The following SPNS2 variants were observed in gnomAD, a reference collection of about 807,000 sequenced individuals.
SPNS2 encodes sphingosine-1-phosphate transporter SPNS2.
A neutral mutation model predicts 57.6 loss-of-function variants in SPNS2; 37 were observed. The observed-to-expected ratio is 0.64, with a 90% CI of 0.49 to 0.85. The LOEUF is 0.85. SPNS2 is among the 40% of genes least tolerant of loss of function. The pLI is 0.00. For synonymous variants in SPNS2, 440 were observed against 346.9 expected (o/e 1.27, Z -2.98); for missense variants, 831 against 779.1 (o/e 1.07, Z -0.79).
At chr17:4,524,944 G>T in intron 2 of SPNS2, 113 bp from the exon 3 acceptor site, 1 of 1,470,646 alleles carries the variant, frequency 6.8e-7, no homozygotes. Flanking sequence ...TCTCTGGGCT[G>T]CTTCCTTGGT....
At chr17:4,534,718 C>G (rs531735764) in intron 9 of SPNS2, among the ~76,000 whole-genome samples, 2 of 152,024 alleles carry the variant, frequency 1.3e-5, no homozygotes, top group African/African-American at 4.8e-5. Context: ...CCATGGGCTG[C>G]GGTGGTGGTG....
rs143903047 is a variant in SPNS2 at position 4,510,594 on chromosome 17, C to T, written c.371-2653C>T. ...ATGATGGCTATTTTGATATGGCCTC[C>T]CTCCCAGAAATGGAACCTGCAGTTA... On this transcript the variant is annotated intron_variant, in intron 1 of 12. Coordinates refer to ENST00000329078, the MANE Select transcript of SPNS2 (RefSeq NM_001124758.3). The surrounding 1 kb of genome is among the most constrained non-coding windows in gnomAD (Gnocchi z 4.4). Among the ~76,000 whole-genome samples the T allele has an allele frequency of 4.9e-3, 751 of 152,264 alleles. 4 individuals carry two copies. Among genetic ancestry groups the T allele is most frequent in the African/African-American group, 0.017 (707 of 41,558 alleles).
chr17:4,507,397 C>T (rs962003524), intron 1 of SPNS2, among the ~76,000 whole-genome samples: 2 of 152,238 alleles, frequency 1.3e-5, no homozygotes, highest in African/African-American at 4.8e-5. Flanking sequence ...GGGGCTGTGT[C>T]CTGTCCCACT....
chr17:4,499,526 G>C lies in SPNS2; in HGVS notation c.370+109G>C. On this transcript the variant is annotated intron_variant, in intron 1 of 12. Coordinates refer to ENST00000329078, the MANE Select transcript of SPNS2 (RefSeq NM_001124758.3). The surrounding 1 kb of genome is among the most constrained non-coding windows in gnomAD (Gnocchi z 5.2). ...TTTGGTCTCAGGCCTGCTATCTCCA[G>C]GCCCTACGTGAGGTCCCTACGGACC... 1 of 666,642 alleles carries C rather than the reference G, an allele frequency of 1.5e-6. No individual in the cohort carries two copies. The highest frequency in any genetic ancestry group is 2.2e-6 in the Non-Finnish European group (1 of 449,606). 41.3% of individuals were successfully genotyped at this position (666,642 alleles called of 1,614,324 possible).
chr17:4,514,479 C>T (rs1904935085), intron 2 of SPNS2, among the ~76,000 whole-genome samples: 1 of 152,230 alleles, frequency 6.6e-6, no homozygotes, highest in African/African-American at 2.4e-5. Flanking sequence ...AGCCACTCCC[C>T]CCACCTCCCT....
At chr17:4,536,209 G>A in intron 10 of SPNS2, 35 bp downstream of exon 10, 1 of 1,608,698 alleles carries the variant, frequency 6.2e-7, no homozygotes, top group Non-Finnish European at 8.5e-7. Flanking sequence ...GCCAGGGCAG[G>A]CTGGGGGACT....
At chr17:4,519,420 A>ACCTTC (rs1905081287) in intron 2 of SPNS2, among the ~76,000 whole-genome samples, 1 of 152,022 alleles carries the variant, frequency 6.6e-6, no homozygotes, top group Non-Finnish European at 1.5e-5. Flanking sequence ...CTGCCGTGAG[A>ACCTTC]GGTGGACAGC....
rs1388470881 is a variant in SPNS2, at chr17:4,537,472, G to A, written c.*24G>A. ...CCCCAGGTGCCATTGGGACAATGAA[G>A]AACCCACACTCCCACCTCGTCTGGG... is the stretch of plus-strand genomic sequence containing the variant. On this transcript the variant is annotated 3_prime_UTR_variant, in exon 13 of 13. Transcript: ENST00000329078. 2 of 455,342 alleles carry A rather than the reference G, an allele frequency of 4.4e-6. No individual in the cohort carries two copies. Among genetic ancestry groups the A allele is most frequent in the Non-Finnish European group, 8.9e-6 (2 of 225,914 alleles). The allele number at this position is 455,342 out of a possible 1,614,324, so 28.2% of individuals were successfully genotyped here.
At chr17:4,517,884 G>GAA (rs1346587105) in intron 2 of SPNS2, among the ~76,000 whole-genome samples, 2 of 152,166 alleles carry the variant, frequency 1.3e-5, no homozygotes, top group East Asian at 3.8e-4. Context: ...TACCAGAAGT[G>GAA]AAAAATATGT....
At chr17:4,515,232 C>T (rs951233915) in intron 2 of SPNS2, among the ~76,000 whole-genome samples, 1 of 152,168 alleles carries the variant, frequency 6.6e-6, no homozygotes, top group Non-Finnish European at 1.5e-5. Flanking sequence ...TGGAGGTGGA[C>T]AAAGCACACA....
At position 4,538,063 on chromosome 17, in the gene SPNS2, A is replaced by G. The variant is rs1283111487; in HGVS notation, c.*615A>G. On this transcript the variant is annotated 3_prime_UTR_variant, in exon 13 of 13. Coordinates refer to ENST00000329078, the MANE Select transcript of SPNS2 (RefSeq NM_001124758.3). ...AGTCTCTGGGTACTCCCTGGAGGAC[A>G]CTGTCTCACTGTCTCGGGTTGGCTC... 2 of 340,628 alleles carry G rather than the reference A, an allele frequency of 5.9e-6. No individual in the cohort carries two copies. Among genetic ancestry groups the G allele is most frequent in the Non-Finnish European group, 1.2e-5 (2 of 170,894 alleles). 21.1% of individuals were successfully genotyped at this position (340,628 alleles called of 1,614,324 possible). A position where few individuals can be genotyped will look rare whatever the true frequency, so the allele number is the denominator to read the frequency against.
chr17:4,529,411 C>T (rs1009032446), intron 3 of SPNS2, among the ~76,000 whole-genome samples: 1 of 152,042 alleles, frequency 6.6e-6, no homozygotes, highest in South Asian at 2.1e-4. Context: ...ACACAGGGGG[C>T]CGGATGTGGT....
chr17:4,531,345 G>T (rs923412290), intron 5 of SPNS2, among the ~76,000 whole-genome samples: 4 of 152,210 alleles, frequency 2.6e-5, no homozygotes, highest in Non-Finnish European at 5.9e-5. Flanking sequence ...CGCCCTCGGG[G>T]CCCCCAGGCT....
intron 3 of SPNS2, among the ~76,000 whole-genome samples, chr17:4,530,408 C>A (rs2144360040): frequency 6.6e-6 from 1 of 152,308 alleles, no homozygotes; most frequent in East Asian, 1.9e-4. Context: ...CCCATACCAG[C>A]ACTGGGCCGG....
chr17:4,515,661 T>C (rs562990160), intron 2 of SPNS2, among the ~76,000 whole-genome samples: 2 of 152,358 alleles, frequency 1.3e-5, no homozygotes, highest in East Asian at 1.9e-4. Flanking sequence ...AGTCACATAA[T>C]TGGCCTGTGT....
chr17:4,536,293 G>A lies in SPNS2; in HGVS notation c.1474G>A (p.Asp492Asn). ...ISDLIRQSTK[D>N]SPLWEFLSLG... ...AGACCTGATCCGCCAGAGCACTAAG[G>A]ACTCCCCGCTCTGGGAGTTCCTGAG... Residue 492 changes from aspartate to asparagine, a missense_variant, in exon 11 of 13, where the codon GAC (aspartate) becomes AAC (asparagine). Coordinates refer to ENST00000329078, the MANE Select transcript of SPNS2 (RefSeq NM_001124758.3). The A allele has an allele frequency of 6.2e-7, 1 of 1,612,676 alleles. No homozygotes were observed. Among genetic ancestry groups the A allele is most frequent in the Non-Finnish European group, 8.5e-7 (1 of 1,179,966 alleles).
intron 1 of SPNS2, among the ~76,000 whole-genome samples, chr17:4,506,190 G>A (rs550124898): frequency 1.2e-4 from 19 of 152,268 alleles, no homozygotes; most frequent in African/African-American, 3.6e-4. Flanking sequence ...CCTTCTGCAC[G>A]TCAGCTTCCA....
At position 4,532,602 on chromosome 17, in the gene SPNS2, A is replaced by C; in HGVS notation, c.853A>C (p.Lys285Gln). The part of the protein sequence containing the change: ...TLILILVPAT[K>Q]RGHADQLGDQ... ...CATCCTCATTCTGGTCCCAGCCACT[A>C]AAAGGGGTCATGCCGACCAGCTCGG... Residue 285 changes from lysine (K) to glutamine (Q), a missense_variant, in exon 6 of 13, where the codon AAA (lysine) becomes CAA (glutamine). Transcript: ENST00000329078. The C allele has an allele frequency of 6.2e-7, 1 of 1,613,614 alleles. No homozygotes were observed. The highest frequency in any genetic ancestry group is 8.5e-7 in the Non-Finnish European group (1 of 1,179,574).
chr17:4,527,066 T>A (rs1322648451), intron 3 of SPNS2, among the ~76,000 whole-genome samples: 1 of 152,144 alleles, frequency 6.6e-6, no homozygotes, highest in African/African-American at 2.4e-5. Flanking sequence ...TCCGGGTCCA[T>A]CTCTGGGTGT....
Sources: allele counts gnomAD v4.1 joint callset (sites outside exome capture counted in the v4.1 genomes callset), GRCh38; gene constraint gnomAD v4.1.1; non-coding constraint Gnocchi (gnomAD v3.1); transcripts MANE v1.5; gene names NCBI Gene and HGNC (gene_info 2026-07-23, HGNC 2026-07-21).